ZNF462: variants seen among roughly 807,000 people sequenced by gnomAD.
ZNF462 encodes the protein zinc finger PBX1-interacting protein.
A neutral mutation model predicts 201.9 loss-of-function variants in ZNF462; 10 were observed. That is an observed-to-expected ratio of 0.05 (90% CI 0.03 to 0.08). The LOEUF (loss-of-function observed/expected upper bound fraction) is 0.08, where lower values mean the gene tolerates loss of function less well. Ranked by LOEUF, ZNF462 falls within the 10% of genes least tolerant of loss-of-function variation. ZNF462 has a pLI of 1.00. For synonymous variants in ZNF462, 1,227 were observed against 1,193.3 expected, an observed-to-expected ratio of 1.03 and a Z score of -0.58; for missense variants, 2,523 against 3,168.3, an observed-to-expected ratio of 0.80 and a Z score of 4.89.
chr9:106,924,284 A>G lies in ZNF462; in HGVS notation c.372A>G (p.Ile124Met). Residue 124 changes from isoleucine to methionine, a missense_variant, in exon 3 of 13, where the codon ATA (isoleucine) becomes ATG (methionine). By Grantham distance (10) the Ile-to-Met change is conservative. Coordinates refer to ENST00000277225, the MANE Select transcript of ZNF462 (RefSeq NM_021224.6). This position sits in a 1 kb window ranked among gnomAD's most constrained non-coding sequence, Gnocchi z 6.2. ...VRYFRSKNLL[I>M]EHTRKVHGAQ... ...ACTTCAGGTCAAAAAACCTCCTCAT[A>G]GAACACACTAGAAAGGTCCATGGAG... The G allele has an allele frequency of 4.3e-6, 7 of 1,614,152 alleles. No individual in the cohort carries two copies. The highest frequency in any genetic ancestry group is 1.7e-5 in the Admixed American group (1 of 60,028).
rs983119678 is a variant in ZNF462, at chr9:107,009,946, A to G, written c.7313+278A>G. 2.6e-4 allele frequency among the ~76,000 whole-genome samples: 39 copies of G among 152,258 alleles called. No homozygotes were observed. The highest frequency in any genetic ancestry group is 2.1e-4 in the South Asian group (1 of 4,820). On this transcript the variant is annotated intron_variant, in intron 12 of 12. Coordinates refer to ENST00000277225, the MANE Select transcript of ZNF462 (RefSeq NM_021224.6). This position sits in a 1 kb window ranked among gnomAD's most constrained non-coding sequence, Gnocchi z 6.1. ...AGAAGTATAGTGTTTTCTCCAGCCA[A>G]TATCCCTTTAGTCTTCATTAGCGTG...
At chr9:106,952,881 G>T (rs1831412714) in intron 7 of ZNF462, among the ~76,000 whole-genome samples, 1 of 152,134 alleles carries the variant, frequency 6.6e-6, no homozygotes, top group East Asian at 1.9e-4. Context: ...AAGTTAAGTG[G>T]TGTGCCCTGG....
chr9:106,976,583 T>C (rs1049160837), intron 9 of ZNF462: 1 of 152,178 alleles, frequency 6.6e-6, no homozygotes, highest in African/African-American at 2.4e-5. Context: ...CTGTCACTGG[T>C]TATTTGTGGT....
chr9:106,861,209 G>A (rs921453503), upstream of ZNF462, among the ~76,000 whole-genome samples: 3 of 152,048 alleles, frequency 2.0e-5, no homozygotes, highest in Admixed American at 1.3e-4. Flanking sequence ...CGTGCCTCGG[G>A]GTGAGAGATT....
Position 106,897,482 on chromosome 9 carries a change from C to CT in ZNF462, c.-30-25861dup, listed in dbSNP as rs530040309. ...TAATATGTCGATCTTTGAAGACTTA[C>CT]TTTTTTTTTTTAGTAATTCCATGGA... On this transcript the variant is annotated intron_variant, in intron 1 of 12. Coordinates refer to ENST00000277225, the MANE Select transcript of ZNF462 (RefSeq NM_021224.6). Among the ~76,000 whole-genome samples the CT allele has an allele frequency of 2.6e-3, 385 of 145,950 alleles. 4 individuals carry two copies. The South Asian group carries it at 0.036, about 13-fold the overall frequency.
chr9:106,997,188 T>C (rs1470048654), intron 10 of ZNF462, among the ~76,000 whole-genome samples: 1 of 152,122 alleles, frequency 6.6e-6, no homozygotes. Context: ...TGGTTTGATA[T>C]ATGTGAAGAA....
At position 106,936,765 on chromosome 9, in the gene ZNF462, A is replaced by T. The variant is rs1230321216; in HGVS notation, c.6235+1144A>T. Among the ~76,000 whole-genome samples, 6 of 152,280 alleles carry T rather than the reference A, an allele frequency of 3.9e-5. No individual in the cohort carries two copies. The East Asian group carries it at 1.2e-3, about 29-fold the overall frequency. On this transcript the variant is annotated intron_variant, in intron 6 of 12. Coordinates refer to ENST00000277225, the MANE Select transcript of ZNF462 (RefSeq NM_021224.6). ...CCTTAGCCTTGTCAAAAGCACTTTTACCAGCGAGAGCTGGGAAGAGATGAT... is the reference window on the plus strand; with the variant it reads ...CCTTAGCCTTGTCAAAAGCACTTTTTCCAGCGAGAGCTGGGAAGAGATGAT...
intron 1 of ZNF462, among the ~76,000 whole-genome samples, chr9:106,906,966 T>C (rs1249429226): frequency 6.6e-6 from 1 of 152,236 alleles, no homozygotes; most frequent in Non-Finnish European, 1.5e-5. Context: ...TCTGGTTTTT[T>C]ACTTTAATTT....
rs1278902530 is a variant in ZNF462, at chr9:106,895,790, C to T, written c.-30-27564C>T. 2.6e-5 allele frequency among the ~76,000 whole-genome samples: 4 copies of T among 152,164 alleles called. No individual in the cohort carries two copies. Among genetic ancestry groups the T allele is most frequent in the Non-Finnish European group, 5.9e-5 (4 of 68,034 alleles). ...CATTCATGGAAACAAAAACTTGGAA[C>T]TCCTGTAATGCCATCTTTTTGGGGG... On this transcript the variant is annotated intron_variant, in intron 1 of 12. Transcript: ENST00000277225. This position sits in a 1 kb window ranked among gnomAD's most constrained non-coding sequence, Gnocchi z 4.4.
At chr9:106,877,196 G>T (rs1236753066) in intron 1 of ZNF462, among the ~76,000 whole-genome samples, 1 of 151,906 alleles carries the variant, frequency 6.6e-6, no homozygotes, top group Non-Finnish European at 1.5e-5. Flanking sequence ...TGGTGTGGTG[G>T]TGGTGGTGTG....
intron 7 of ZNF462, among the ~76,000 whole-genome samples, chr9:106,953,830 T>C (rs7039109): frequency 0.16 from 24,579 of 152,036 alleles, 5,495 homozygotes; most frequent in African/African-American, 0.51. Flanking sequence ...ATTAATTTCC[T>C]ACTAAACTTG....
rs1226809037 is a variant in ZNF462 at position 106,924,202 on chromosome 9, T to C, written c.290T>C (p.Ile97Thr). 1.9e-6 allele frequency: 3 copies of C among 1,614,178 alleles called. No individual in the cohort carries two copies. Among genetic ancestry groups the C allele is most frequent in the Non-Finnish European group, 1.7e-6 (2 of 1,180,036 alleles). The change falls in exon 3 of 13, where the codon ATT (isoleucine) becomes ACT (threonine). Residue 97 changes from isoleucine to threonine, a missense_variant. By Grantham distance (89) the Ile-to-Thr change is moderately conservative. Coordinates refer to ENST00000277225, the MANE Select transcript of ZNF462 (RefSeq NM_021224.6). The surrounding 1 kb of genome is among the most constrained non-coding windows in gnomAD (Gnocchi z 6.2). ...GHSPGYYGQH[I>T]AANPKPTNKF... ...AGTCCAGGATATTATGGTCAGCATA[T>C]TGCCGCTAATCCCAAACCAACAAAC... is the stretch of plus-strand genomic sequence containing the variant.
intron 1 of ZNF462, among the ~76,000 whole-genome samples, chr9:106,900,204 G>GTGTGTGTGTA (rs1829000831): frequency 3.6e-4 from 1 of 2,804 alleles, no homozygotes; most frequent in African/African-American, 2.4e-3. Flanking sequence ...GTATTCCATC[G>GTGTGTGTGTA]TGTGTGTGTG....
In ZNF462 at chr9:106,935,656, G is replaced by A. The variant is rs372521209; in HGVS notation, c.6235+35G>A. 6.4e-6 allele frequency: 10 copies of A among 1,554,822 alleles called. No individual in the cohort carries two copies. In the African/African-American group the frequency reaches 1.4e-4, roughly 21 times the overall value. ...GCATTGATGATGCACAAGTTCTTTA[G>A]CACTCTCTGAGTTTGAAACCTGATG... is the stretch of plus-strand genomic sequence containing the variant. On this transcript the variant is annotated intron_variant, in intron 6 of 12. Transcript: ENST00000277225. This position sits in a 1 kb window ranked among gnomAD's most constrained non-coding sequence, Gnocchi z 4.1.
rs1479370196 is a variant in ZNF462, at chr9:106,972,860, A to G, written c.6695+588A>G. ...GATGACAGAATTGATGGACTCAATT[A>G]TTAAGAATGGAATGCTTCCTATGAT... On this transcript the variant is annotated intron_variant, in intron 8 of 12. Coordinates refer to ENST00000277225, the MANE Select transcript of ZNF462 (RefSeq NM_021224.6). This position sits in a 1 kb window ranked among gnomAD's most constrained non-coding sequence, Gnocchi z 4.8. Among the ~76,000 whole-genome samples, 1 of 152,204 alleles carries G rather than the reference A, an allele frequency of 6.6e-6. No individual in the cohort carries two copies. The highest frequency in any genetic ancestry group is 1.9e-4 in the East Asian group (1 of 5,188).
chr9:106,885,717 T>C lies in ZNF462; in HGVS notation c.-31+22362T>C, dbSNP rs981964710. On this transcript the variant is annotated intron_variant, in intron 1 of 12. Transcript: ENST00000277225. This position sits in a 1 kb window ranked among gnomAD's most constrained non-coding sequence, Gnocchi z 4.1. ...CAGAACTCAGCATTAGGTCACCCTT[T>C]AGGCGTATGGTGCAGAGCTCATGCT... Among the ~76,000 whole-genome samples, 3 of 152,196 alleles carry C rather than the reference T, an allele frequency of 2.0e-5. No individual in the cohort carries two copies. Among genetic ancestry groups the C allele is most frequent in the African/African-American group, 7.2e-5 (3 of 41,460 alleles).
At chr9:106,945,592 C>T (rs887795740) in intron 7 of ZNF462, among the ~76,000 whole-genome samples, 2 of 152,114 alleles carry the variant, frequency 1.3e-5, no homozygotes, top group African/African-American at 2.4e-5. Context: ...ATAGCACATG[C>T]GATGTAAGAC....
chr9:106,864,068 C>CTCTCTCTCTGTCTCTCTG, intron 1 of ZNF462, among the ~76,000 whole-genome samples: 1 of 119,718 alleles, frequency 8.4e-6, no homozygotes, highest in African/African-American at 3.4e-5. Context: ...CTCTCTCTCT[C>CTCTCTCTCTGTCTCTCTG]TCTCTCTCTC....
chr9:106,969,999 G>A (rs1426338622), intron 7 of ZNF462, among the ~76,000 whole-genome samples: 1 of 152,180 alleles, frequency 6.6e-6, no homozygotes, highest in African/African-American at 2.4e-5. Flanking sequence ...AACTAGACTT[G>A]AGGGCTTAAA....
Sources: allele counts gnomAD v4.1 joint callset (sites outside exome capture counted in the v4.1 genomes callset), GRCh38; gene constraint gnomAD v4.1.1; non-coding constraint Gnocchi (gnomAD v3.1); transcripts MANE v1.5; gene names NCBI Gene and HGNC (gene_info 2026-07-23, HGNC 2026-07-21).